ROBO1: variants seen among roughly 807,000 people sequenced by gnomAD.
The protein encoded by ROBO1 is roundabout homolog 1.
ROBO1 carries 149 observed loss-of-function variants against 195.9 expected under a neutral mutation model. The ratio of observed to expected loss-of-function variants is 0.76; its 90% CI spans 0.67 to 0.87. The LOEUF is 0.87. ROBO1 is among the 40% of genes least tolerant of loss of function. ROBO1 has a pLI of 0.00. For synonymous variants in ROBO1, 816 were observed against 733.2 expected, an observed-to-expected ratio of 1.11 and a Z score of -1.82; for missense variants, 1,933 against 2,068.3, an observed-to-expected ratio of 0.93 and a Z score of 1.27.
At chr3:79,059,836 A>G (rs1381824953) in intron 3 of ROBO1, among the ~76,000 whole-genome samples, 1 of 151,980 alleles carries the variant, frequency 6.6e-6, no homozygotes, top group African/African-American at 2.4e-5. Flanking sequence ...TTTTTGTAAA[A>G]CATGTGTGTT....
At chr3:79,380,538 G>A (rs961230876) in intron 2 of ROBO1, among the ~76,000 whole-genome samples, 1 of 151,940 alleles carries the variant, frequency 6.6e-6, no homozygotes, top group African/African-American at 2.4e-5. Flanking sequence ...GAAGATTATG[G>A]TCACTTTTAG....
intron 1 of ROBO1, among the ~76,000 whole-genome samples, chr3:79,607,605 T>TC (rs1944529843): frequency 6.6e-6 from 1 of 151,406 alleles, no homozygotes. Context: ...TTTCCAAGTT[T>TC]TTTTTTTTTC....
intron 2 of ROBO1, among the ~76,000 whole-genome samples, chr3:79,351,476 AT>A (rs1470692395): frequency 6.6e-6 from 1 of 151,934 alleles, no homozygotes; most frequent in Non-Finnish European, 1.5e-5. Flanking sequence ...TAGCAAAGTC[AT>A]TTTTTTTGTT....
At chr3:78,944,722 A>G (rs1453365693) in intron 3 of ROBO1, among the ~76,000 whole-genome samples, 2 of 152,248 alleles carry the variant, frequency 1.3e-5, no homozygotes, top group Admixed American at 6.5e-5. Context: ...GGCATTGCCT[A>G]ACCCAGGAAG....
chr3:79,319,140 G>T (rs1363892873), intron 2 of ROBO1, among the ~76,000 whole-genome samples: 4 of 151,796 alleles, frequency 2.6e-5, no homozygotes, highest in African/African-American at 4.8e-5. Context: ...TCCATATATT[G>T]TTGAAACATT....
At chr3:79,464,678 CATT>C (rs767778562) in intron 2 of ROBO1, among the ~76,000 whole-genome samples, 30 of 152,012 alleles carry the variant, frequency 2.0e-4, no homozygotes, top group Non-Finnish European at 4.4e-4. Flanking sequence ...ATATTTTTCC[CATT>C]ATTTTTCATC....
chr3:79,316,063 A>G (rs1472071586), intron 2 of ROBO1, among the ~76,000 whole-genome samples: 1 of 152,190 alleles, frequency 6.6e-6, no homozygotes, highest in Non-Finnish European at 1.5e-5. Flanking sequence ...TTGACCCCAC[A>G]GTGATTCAGA....
At chr3:79,563,049 A>G (rs893628242) in intron 2 of ROBO1, among the ~76,000 whole-genome samples, 1 of 152,064 alleles carries the variant, frequency 6.6e-6, no homozygotes, top group African/African-American at 2.4e-5. Flanking sequence ...TATTTCATAC[A>G]CTTTATCCTT....
At chr3:79,537,519 C>G (rs1288550397) in intron 2 of ROBO1, among the ~76,000 whole-genome samples, 2 of 152,146 alleles carry the variant, frequency 1.3e-5, no homozygotes, top group Non-Finnish European at 2.9e-5. Flanking sequence ...AATTCCACTT[C>G]CTGTCCATCT....
chr3:78,972,684 C>T (rs934538182), intron 3 of ROBO1, among the ~76,000 whole-genome samples: 2 of 152,192 alleles, frequency 1.3e-5, no homozygotes, highest in African/African-American at 4.8e-5. Flanking sequence ...TACATATAAA[C>T]TTCCCATGGT....
At chr3:78,969,917 CAT>C (rs2076726500) in intron 3 of ROBO1, among the ~76,000 whole-genome samples, 2 of 152,044 alleles carry the variant, frequency 1.3e-5, no homozygotes, top group South Asian at 4.1e-4. Context: ...ACGACTGAAA[CAT>C]ATTTCACACA....
chr3:79,090,280 G>T (rs1047764073), intron 3 of ROBO1, among the ~76,000 whole-genome samples: 1 of 151,988 alleles, frequency 6.6e-6, no homozygotes, highest in Non-Finnish European at 1.5e-5. Flanking sequence ...TACGTGGAAA[G>T]GCAAGCCAAT....
At chr3:79,572,222 G>A (rs926362261) in intron 2 of ROBO1, among the ~76,000 whole-genome samples, 15 of 151,888 alleles carry the variant, frequency 9.9e-5, no homozygotes, top group African/African-American at 3.6e-4. Flanking sequence ...AAAGACCTTT[G>A]TTAAATATAT....
At chr3:78,985,638 C>A (rs1341113757) in intron 3 of ROBO1, among the ~76,000 whole-genome samples, 1 of 152,232 alleles carries the variant, frequency 6.6e-6, no homozygotes, top group Admixed American at 6.5e-5. Flanking sequence ...GGCTATTTAG[C>A]GGCATCCTTG....
intron 4 of ROBO1, among the ~76,000 whole-genome samples, chr3:78,892,186 C>A (rs944733690): frequency 5.3e-5 from 8 of 152,138 alleles, no homozygotes; most frequent in Non-Finnish European, 8.8e-5. Context: ...ATGGCAAAAC[C>A]CTGTCTCTAC....
chr3:78,973,079 G>A (rs1393022067), intron 3 of ROBO1, among the ~76,000 whole-genome samples: 1 of 152,180 alleles, frequency 6.6e-6, no homozygotes, highest in Non-Finnish European at 1.5e-5. Flanking sequence ...TCCTGCCAAT[G>A]CATTTTCTAT....
intron 4 of ROBO1, among the ~76,000 whole-genome samples, chr3:78,821,638 A>C (rs2030969189): frequency 6.6e-6 from 1 of 152,208 alleles, no homozygotes; most frequent in African/African-American, 2.4e-5. Flanking sequence ...AATTGTCAAC[A>C]GATTGATAAT....
In ROBO1 at chr3:79,709,949, G is replaced by A. The variant is rs74796237; in HGVS notation, c.-51+57803C>T. Among the ~76,000 whole-genome samples the A allele has an allele frequency of 6.8e-4, 103 of 152,254 alleles. 4 individuals carry two copies. The East Asian group carries it at 0.017, about 25-fold the overall frequency. ...GCACAGAATCATCTGCTGCTGCATT[G>A]ACTTTGGACTTCCTAGCCCCTGGAA... On this transcript the variant is annotated intron_variant, in intron 1 of 30. Transcript: ENST00000464233.
chr3:79,613,084 C>T (rs1405121986), intron 1 of ROBO1, among the ~76,000 whole-genome samples: 2 of 151,772 alleles, frequency 1.3e-5, no homozygotes, highest in African/African-American at 4.8e-5. Context: ...ATGTCCTTAG[C>T]TTGAGTAACA....
Sources: gnomAD v4.1 joint callset for allele counts (sites outside exome capture counted in the v4.1 genomes callset) on GRCh38, gnomAD v4.1.1 for gene constraint, MANE v1.5 for transcripts, NCBI Gene and HGNC (gene_info 2026-07-23, HGNC 2026-07-21) for gene names.